The following NUBPL variants were observed in gnomAD, a reference collection of about 807,000 sequenced individuals.
NUBPL encodes NUBP iron-sulfur cluster assembly factor, mitochondrial, also known as iron-sulfur cluster transfer protein NUBPL.
Under a neutral mutation model 45.7 loss-of-function variants are expected in NUBPL, and 31 were observed. The observed-to-expected ratio is 0.68, with a 90% CI of 0.51 to 0.92. The LOEUF (loss-of-function observed/expected upper bound fraction) is 0.92. NUBPL is among the 40% of genes least tolerant of loss of function. The pLI is 0.00. For synonymous variants in NUBPL, 144 were observed against 140.9 expected, an observed-to-expected ratio of 1.02 and a Z score of -0.15; for missense variants, 401 against 398.7, an observed-to-expected ratio of 1.01 and a Z score of -0.05.
chr14:31,661,643 ACCACT>A (rs1470302122), intron 4 of NUBPL, among the ~76,000 whole-genome samples: 1 of 152,116 alleles, frequency 6.6e-6, no homozygotes, highest in Non-Finnish European at 1.5e-5. Context: ...CTGGGTTCAC[ACCACT>A]CTCCTGCCTC....
At chr14:31,750,260 C>T (rs959730408) in intron 6 of NUBPL, among the ~76,000 whole-genome samples, 19 of 150,808 alleles carry the variant, frequency 1.3e-4, no homozygotes, top group South Asian at 2.1e-4. Flanking sequence ...CTGCAAGCTC[C>T]GCCTCCCGGG....
chr14:31,579,662 A>G (rs1427144663), intron 3 of NUBPL, among the ~76,000 whole-genome samples: 3 of 152,244 alleles, frequency 2.0e-5, no homozygotes, highest in Non-Finnish European at 2.9e-5. Context: ...AGCATTAATT[A>G]TTCTTATTTT....
intron 6 of NUBPL, among the ~76,000 whole-genome samples, chr14:31,703,804 AATACC>A (rs1293097849): frequency 6.6e-6 from 1 of 152,226 alleles, no homozygotes; most frequent in Non-Finnish European, 1.5e-5. Flanking sequence ...TCAATCGCCC[AATACC>A]TGAGATTTTA....
At chr14:31,646,959 T>C (rs2035872028) in intron 4 of NUBPL, among the ~76,000 whole-genome samples, 2 of 152,308 alleles carry the variant, frequency 1.3e-5, no homozygotes, top group Middle Eastern at 3.4e-3. Flanking sequence ...TTACTGATTC[T>C]TTCCTTTGCT....
At chr14:31,823,375 G>A (rs528898278) in intron 7 of NUBPL, among the ~76,000 whole-genome samples, 1 of 152,164 alleles carries the variant, frequency 6.6e-6, no homozygotes, top group Non-Finnish European at 1.5e-5. Flanking sequence ...TAGACAAAAA[G>A]TGTTTAAAAC....
chr14:31,715,215 AC>A (rs1380238112), intron 6 of NUBPL, among the ~76,000 whole-genome samples: 1 of 152,168 alleles, frequency 6.6e-6, no homozygotes, highest in Non-Finnish European at 1.5e-5. Flanking sequence ...TGTGGCGTCT[AC>A]CTTTTATCCT....
chr14:31,685,000 CTA>C lies in NUBPL; in HGVS notation c.513+11427_513+11428del, dbSNP rs554424054. 2.7e-3 allele frequency among the ~76,000 whole-genome samples: 412 copies of C among 152,270 alleles called. 2 individuals carry two copies. The highest frequency in any genetic ancestry group is 9.1e-3 in the African/African-American group (380 of 41,542). On this transcript the variant is annotated intron_variant, in intron 6 of 10. Coordinates refer to ENST00000281081, the MANE Select transcript of NUBPL (RefSeq NM_025152.3). ...AAGTAGTTCAAAAGGTAGGAAAAAA[CTA>C]AGGATACTAATGTCATGAAGATTAA...
chr14:31,567,596 A>T (rs367803753), intron 3 of NUBPL, among the ~76,000 whole-genome samples: 1 of 150,704 alleles, frequency 6.6e-6, no homozygotes, highest in Non-Finnish European at 1.5e-5. Flanking sequence ...TTTGGAAATT[A>T]TTTTTTTTTC....
chr14:31,785,298 C>G (rs2039264198), intron 6 of NUBPL, among the ~76,000 whole-genome samples: 1 of 152,158 alleles, frequency 6.6e-6, no homozygotes, highest in Non-Finnish European at 1.5e-5. Flanking sequence ...GTTCCCAACC[C>G]TTAGCCCACA....
intron 4 of NUBPL, among the ~76,000 whole-genome samples, chr14:31,612,278 A>G (rs1270730415): frequency 6.6e-6 from 1 of 152,264 alleles, no homozygotes; most frequent in Admixed American, 6.5e-5. Context: ...AATCTATAGG[A>G]AAACAATCTA....
At chr14:31,765,780 T>G (rs536980907) in intron 6 of NUBPL, among the ~76,000 whole-genome samples, 22 of 152,364 alleles carry the variant, frequency 1.4e-4, no homozygotes, top group Middle Eastern at 6.8e-3. Flanking sequence ...CAAAGATTAC[T>G]AAAGTCATGT....
chr14:31,674,903 G>A (rs576377030), intron 6 of NUBPL, among the ~76,000 whole-genome samples: 1 of 152,084 alleles, frequency 6.6e-6, no homozygotes, highest in Non-Finnish European at 1.5e-5. Flanking sequence ...TTGGGAGGCC[G>A]AGATGGGCGG....
chr14:31,722,549 C>G (rs541843981), intron 6 of NUBPL, among the ~76,000 whole-genome samples: 1 of 152,316 alleles, frequency 6.6e-6, no homozygotes, highest in African/African-American at 2.4e-5. Context: ...CAAATTTACA[C>G]TCCCATCAAC....
chr14:31,823,250 C>CTT (rs908049119), intron 7 of NUBPL, among the ~76,000 whole-genome samples: 1 of 151,940 alleles, frequency 6.6e-6, no homozygotes, highest in Admixed American at 6.6e-5. Context: ...AATTGCTGAT[C>CTT]TTTTGCTAAG....
At chr14:31,813,304 T>C (rs1595667553) in intron 7 of NUBPL, among the ~76,000 whole-genome samples, 1 of 152,154 alleles carries the variant, frequency 6.6e-6, no homozygotes, top group South Asian at 2.1e-4. Flanking sequence ...GTTAATTCTT[T>C]ATAGCGTCAT....
chr14:31,590,031 C>T (rs1302989821), intron 3 of NUBPL, among the ~76,000 whole-genome samples: 1 of 152,156 alleles, frequency 6.6e-6, no homozygotes, highest in Non-Finnish European at 1.5e-5. Context: ...TATATTCTAC[C>T]TTAGTTTCCC....
At chr14:31,791,269 C>A (rs1427729017) in intron 7 of NUBPL, among the ~76,000 whole-genome samples, 1 of 152,032 alleles carries the variant, frequency 6.6e-6, no homozygotes, top group Non-Finnish European at 1.5e-5. Context: ...TAGAATAAGA[C>A]CCTGTCTCAA....
intron 6 of NUBPL, among the ~76,000 whole-genome samples, chr14:31,675,882 A>G (rs1224915868): frequency 6.6e-6 from 1 of 152,232 alleles, no homozygotes; most frequent in Non-Finnish European, 1.5e-5. Context: ...ATCAAACTAA[A>G]TAGCATTTCC....
chr14:31,725,860 C>G (rs908921292), intron 6 of NUBPL, among the ~76,000 whole-genome samples: 1 of 151,978 alleles, frequency 6.6e-6, no homozygotes, highest in Non-Finnish European at 1.5e-5. Context: ...CAGGCGCCCA[C>G]CACCACGCCC....
Sources: gnomAD v4.1 joint callset for allele counts (sites outside exome capture counted in the v4.1 genomes callset) on GRCh38, gnomAD v4.1.1 for gene constraint, MANE v1.5 for transcripts, NCBI Gene and HGNC (gene_info 2026-07-23, HGNC 2026-07-21) for gene names.